CADM2: variants seen among roughly 807,000 people sequenced by gnomAD.
CADM2 encodes the protein immunoglobulin superfamily member 4D.
CADM2 carries 12 observed loss-of-function variants against 49.8 expected under a neutral mutation model. The ratio of observed to expected loss-of-function variants is 0.24; its 90% CI spans 0.15 to 0.39. The LOEUF is 0.39. Ranked by LOEUF, CADM2 falls within the 10% of genes least tolerant of loss-of-function variation. CADM2 has a pLI of 1.00. For synonymous variants in CADM2, 214 were observed against 175.4 expected, an observed-to-expected ratio of 1.22 and a Z score of -1.74; for missense variants, 378 against 492.3, an observed-to-expected ratio of 0.77 and a Z score of 2.20.
chr3:85,967,445 T>C (rs563505205), intron 8 of CADM2, among the ~76,000 whole-genome samples: 1 of 151,730 alleles, frequency 6.6e-6, no homozygotes, highest in South Asian at 2.1e-4. Flanking sequence ...TATATGTCAG[T>C]GAATGCAGCA....
rs752550127 is a variant in CADM2 at position 85,897,241 on chromosome 3, C to CTTT, written c.529+10951_529+10953dup. Among the ~76,000 whole-genome samples the CTTT allele has an allele frequency of 1.6e-3, 73 of 45,928 alleles. 21 individuals carry two copies. The highest frequency in any genetic ancestry group is 2.0e-3 in the Non-Finnish European group (43 of 21,888). The allele number at this position is 45,928 out of a possible 152,430, so 30.1% of individuals were successfully genotyped here. A position where few individuals can be genotyped will look rare whatever the true frequency, so the allele number is the denominator to read the frequency against. On this transcript the variant is annotated intron_variant, in intron 5 of 9. Coordinates refer to ENST00000383699, the MANE Select transcript of CADM2 (RefSeq NM_001167675.2). Reference sequence around the variant, plus strand: ...CAACAATAATTGCTTTAACCTACATCTTTTTTTTTTTTTTTTTTTTTTTTT... The same window carrying CTTT: ...CAACAATAATTGCTTTAACCTACATCTTTTTTTTTTTTTTTTTTTTTTTTTTTT...
At chr3:85,359,666 A>ATATATATATATATATATATTTTT in intron 1 of CADM2, among the ~76,000 whole-genome samples, 320 of 26,374 alleles carry the variant, frequency 0.012, 16 homozygotes, top group Non-Finnish European at 0.017. Context: ...ATATATATAT[A>ATATATATATATATATATATTTTT]TTTTTTTTTT....
intron 1 of CADM2, among the ~76,000 whole-genome samples, chr3:85,558,107 CTG>C (rs1332550806): frequency 1.3e-5 from 2 of 151,764 alleles, no homozygotes; most frequent in Admixed American, 6.6e-5. Flanking sequence ...GTGTGTGAGT[CTG>C]TGAGTGTGTG....
chr3:85,370,109 A>C (rs1049807625), intron 1 of CADM2, among the ~76,000 whole-genome samples: 2 of 151,704 alleles, frequency 1.3e-5, no homozygotes, highest in Non-Finnish European at 2.9e-5. Flanking sequence ...ACTACTCAGG[A>C]GGCTGAGGCA....
At chr3:85,074,373 C>T (rs9839194) in intron 1 of CADM2, among the ~76,000 whole-genome samples, 67,517 of 151,926 alleles carry the variant, frequency 0.44, 17,565 homozygotes, top group Non-Finnish European at 0.6. Context: ...CCCATCTCAC[C>T]TCTACCTTTA....
At chr3:86,021,627 G>A (rs111594685) in intron 8 of CADM2, among the ~76,000 whole-genome samples, 1 of 152,064 alleles carries the variant, frequency 6.6e-6, no homozygotes, top group Admixed American at 6.5e-5. Flanking sequence ...AAAAATATTG[G>A]ATTATTCTTT....
At chr3:85,749,987 G>A (rs554862644) in intron 2 of CADM2, among the ~76,000 whole-genome samples, 16 of 152,008 alleles carry the variant, frequency 1.1e-4, no homozygotes, top group Admixed American at 5.9e-4. Flanking sequence ...TAATGATCAC[G>A]TGTATGGTCA....
At chr3:85,469,658 C>T (rs1182598948) in intron 1 of CADM2, among the ~76,000 whole-genome samples, 1 of 152,074 alleles carries the variant, frequency 6.6e-6, no homozygotes, top group African/African-American at 2.4e-5. Flanking sequence ...CAGGGCAGAG[C>T]TGAAGTGCTT....
intron 1 of CADM2, among the ~76,000 whole-genome samples, chr3:85,287,249 A>G (rs2043655635): frequency 2.0e-5 from 3 of 151,718 alleles, no homozygotes; most frequent in Admixed American, 2.0e-4. Context: ...TCCAACTATA[A>G]ACTACTGGAG....
chr3:85,850,377 A>G (rs866575196), intron 3 of CADM2, among the ~76,000 whole-genome samples: 4 of 130,738 alleles, frequency 3.1e-5, no homozygotes, highest in Non-Finnish European at 4.6e-5. Flanking sequence ...CAGGCTGGAG[A>G]GCAGTGGCGC....
intron 1 of CADM2, among the ~76,000 whole-genome samples, chr3:85,576,816 C>T (rs998364352): frequency 1.2e-4 from 18 of 152,072 alleles, no homozygotes; most frequent in Non-Finnish European, 1.9e-4. Flanking sequence ...TACAGCTCTC[C>T]GATAACTATT....
rs576831780 is a variant in CADM2 at position 86,012,441 on chromosome 3, C to T, written c.970+50794C>T. On this transcript the variant is annotated intron_variant, in intron 8 of 9. Coordinates refer to ENST00000383699, the MANE Select transcript of CADM2 (RefSeq NM_001167675.2). ...GGGCTTCTCGCCCGCCCGCCCCTCG[C>T]CCGCGCGCCGGCCCTGCAGAGCCGG... is the stretch of plus-strand genomic sequence containing the variant. 20 of 462,470 alleles carry T rather than the reference C, an allele frequency of 4.3e-5. No homozygotes were observed. The South Asian group carries it at 7.8e-4, about 18-fold the overall frequency. The allele number at this position is 462,470 out of a possible 1,614,324, so 28.6% of individuals were successfully genotyped here. A position where few individuals can be genotyped will look rare whatever the true frequency, so the allele number is the denominator to read the frequency against.
chr3:85,883,273 A>G lies in CADM2; in HGVS notation c.239-18A>G. 6.3e-7 allele frequency: 1 copy of G among 1,593,614 alleles called. No individual in the cohort carries two copies. Among genetic ancestry groups the G allele is most frequent in the Non-Finnish European group, 8.6e-7 (1 of 1,166,362 alleles). ...TTCTGATGTCCTTATTTACATTTTC[A>G]ATATTTTCTCTTTCCAGCTTTAAGG... On this transcript the variant is annotated intron_variant, in intron 3 of 9. Coordinates refer to ENST00000383699, the MANE Select transcript of CADM2 (RefSeq NM_001167675.2).
At chr3:85,099,974 T>C (rs540074941) in intron 1 of CADM2, among the ~76,000 whole-genome samples, 1 of 151,702 alleles carries the variant, frequency 6.6e-6, no homozygotes, top group East Asian at 1.9e-4. Context: ...TCCATACTGT[T>C]TTTTTTTCCT....
At chr3:85,380,205 A>C (rs2033823192) in intron 1 of CADM2, among the ~76,000 whole-genome samples, 1 of 152,038 alleles carries the variant, frequency 6.6e-6, no homozygotes, top group African/African-American at 2.4e-5. Flanking sequence ...AAAAAATAGG[A>C]AGCAAAGGAA....
intron 1 of CADM2, among the ~76,000 whole-genome samples, chr3:85,668,243 G>A (rs1159769054): frequency 8.0e-6 from 1 of 124,844 alleles, no homozygotes; most frequent in Non-Finnish European, 1.6e-5. Context: ...CAGCATTACT[G>A]TTATCTTCCC....
At chr3:85,110,518 T>C (rs2038410412) in intron 1 of CADM2, among the ~76,000 whole-genome samples, 1 of 151,808 alleles carries the variant, frequency 6.6e-6, no homozygotes, top group South Asian at 2.1e-4. Flanking sequence ...GGATAAAAAA[T>C]GATTACAAAT....
intron 1 of CADM2, among the ~76,000 whole-genome samples, chr3:85,666,986 G>A (rs1369240359): frequency 6.6e-6 from 1 of 151,934 alleles, no homozygotes; most frequent in Non-Finnish European, 1.5e-5. Flanking sequence ...ATGATAGAAA[G>A]CAAATAAATA....
At chr3:85,466,270 T>C (rs2038486529) in intron 1 of CADM2, among the ~76,000 whole-genome samples, 1 of 152,184 alleles carries the variant, frequency 6.6e-6, no homozygotes, top group Non-Finnish European at 1.5e-5. Context: ...AATTTCAGAC[T>C]AAATTTATCT....
Sources: allele counts gnomAD v4.1 joint callset (sites outside exome capture counted in the v4.1 genomes callset), GRCh38; gene constraint gnomAD v4.1.1; transcripts MANE v1.5; gene names NCBI Gene and HGNC (gene_info 2026-07-23, HGNC 2026-07-21).